Variants in SLC25A33 observed in about 807,000 individuals in gnomAD.
The protein encoded by SLC25A33 is bone marrow stromal cell mitochondrial carrier protein.
A neutral mutation model predicts 35.5 loss-of-function variants in SLC25A33; 15 were observed. That is an observed-to-expected ratio of 0.42 (90% confidence interval 0.28 to 0.65). The LOEUF (loss-of-function observed/expected upper bound fraction) is 0.65, where lower values mean the gene tolerates loss of function less well. Among genes scored for constraint, SLC25A33 ranks in the 30% least tolerant of loss-of-function variants. SLC25A33 has a pLI of 0.20. For synonymous variants in SLC25A33, 136 were observed against 148.7 expected (o/e 0.91, Z 0.62); for missense variants, 257 against 398.5 (o/e 0.64, Z 3.02).
intron 5 of SLC25A33, chr1:9,577,061 C>A: frequency 1.6e-6 from 1 of 640,440 alleles, no homozygotes; most frequent in Non-Finnish European, 2.7e-6. Flanking sequence ...TTAAATGATG[C>A]CATAAAAGAC....
At position 9,580,033 on chromosome 1, in the gene SLC25A33, A is replaced by G; in HGVS notation, c.562A>G (p.Arg188Gly). Residue 188 changes from arginine to glycine, a missense_variant, in exon 6 of 7, where the codon AGA (arginine) becomes GGA (glycine). By Grantham distance (125) the Arg-to-Gly change is moderately radical (BLOSUM62 -2). Transcript: ENST00000302692. ...YQTEGIRGFY[R>G]GLTASYAGIS... The stretch of plus-strand genomic sequence containing the variant: ...GACCGAAGGCATTCGTGGCTTCTAT[A>G]GAGGATTAACTGCCTCGTATGCTGG... 1.9e-6 allele frequency: 3 copies of G among 1,613,116 alleles called. No homozygotes were observed. Among genetic ancestry groups the G allele is most frequent in the Non-Finnish European group, 2.5e-6 (3 of 1,179,532 alleles).
intron 1 of SLC25A33, among the ~76,000 whole-genome samples, chr1:9,541,587 G>T (rs1643082531): frequency 6.6e-6 from 1 of 152,070 alleles, no homozygotes; most frequent in Non-Finnish European, 1.5e-5. Context: ...CACCATGCCC[G>T]GCAGAGACTT....
chr1:9,569,787 C>T (rs564940381), intron 3 of SLC25A33, among the ~76,000 whole-genome samples: 1 of 152,082 alleles, frequency 6.6e-6, no homozygotes, highest in African/African-American at 2.4e-5. Flanking sequence ...CGGAAGGGCC[C>T]TTTATGAAAA....
intron 2 of SLC25A33, among the ~76,000 whole-genome samples, chr1:9,556,689 G>A (rs1643348009): frequency 6.6e-6 from 1 of 151,828 alleles, no homozygotes; most frequent in Non-Finnish European, 1.5e-5. Flanking sequence ...GTCTGTGTGT[G>A]TGTGTGTGTG....
At chr1:9,564,611 G>T (rs955565955) in intron 2 of SLC25A33, among the ~76,000 whole-genome samples, 1 of 151,710 alleles carries the variant, frequency 6.6e-6, no homozygotes, top group South Asian at 2.1e-4. Flanking sequence ...TTCTGGGTGG[G>T]CACAGTGGCT....
chr1:9,557,533 T>C (rs1643361299), intron 2 of SLC25A33, among the ~76,000 whole-genome samples: 1 of 151,634 alleles, frequency 6.6e-6, no homozygotes, highest in African/African-American at 2.4e-5. Context: ...ATCCCATCTC[T>C]ACAAAAAATA....
At chr1:9,580,585 C>T (rs1271582596) in intron 6 of SLC25A33, among the ~76,000 whole-genome samples, 5 of 152,240 alleles carry the variant, frequency 3.3e-5, no homozygotes, top group Admixed American at 1.3e-4. Flanking sequence ...CGGCGGGGCA[C>T]GGTGGCTCAC....
At position 9,553,919 on chromosome 1, in the gene SLC25A33, T is replaced by C. The variant is rs1383272528; in HGVS notation, c.236+114T>C. The C allele has an allele frequency of 1.3e-5, 16 of 1,188,990 alleles. No homozygotes were observed. In the Admixed American group the frequency reaches 1.8e-4, roughly 14 times the overall value. The allele number at this position is 1,188,990 out of a possible 1,614,324, so 73.7% of individuals were successfully genotyped here. ...TGTTCTGTTTGCATAGCCTTGGTCCTAACTTAAGAATTAGATTTCTTTACC... is the reference window on the plus strand; with the variant it reads ...TGTTCTGTTTGCATAGCCTTGGTCCCAACTTAAGAATTAGATTTCTTTACC... On this transcript the variant is annotated intron_variant, in intron 2 of 6. Coordinates refer to ENST00000302692, the MANE Select transcript of SLC25A33 (RefSeq NM_032315.3).
Position 9,546,174 on chromosome 1 carries a change from ATTTTTTTTTTT to A in SLC25A33, c.56+6445_56+6455del, listed in dbSNP as rs746460317. ...TGTGAAGGGAATATCACACAGAGAA[ATTTTTTTTTTT>A]TTTTTTTTTTTTTTTTTGAAACGGA... On this transcript the variant is annotated intron_variant, in intron 1 of 6. Coordinates refer to ENST00000302692, the MANE Select transcript of SLC25A33 (RefSeq NM_032315.3). Among the ~76,000 whole-genome samples the A allele has an allele frequency of 1.6e-4, 16 of 100,520 alleles. 1 individual carries two copies. Among genetic ancestry groups the A allele is most frequent in the East Asian group, 6.6e-4 (2 of 3,020 alleles). The allele number at this position is 100,520 out of a possible 152,430, so 65.9% of individuals were successfully genotyped here.
At chr1:9,540,946 TC>T (rs1256414284) in intron 1 of SLC25A33, among the ~76,000 whole-genome samples, 2 of 152,144 alleles carry the variant, frequency 1.3e-5, no homozygotes, top group Non-Finnish European at 2.9e-5. Flanking sequence ...TGTCATTCAT[TC>T]CCTTGCAACC....
At chr1:9,564,198 T>C (rs1481728474) in intron 2 of SLC25A33, among the ~76,000 whole-genome samples, 1 of 152,208 alleles carries the variant, frequency 6.6e-6, no homozygotes, top group Admixed American at 6.5e-5. Context: ...CTCTAAAGAA[T>C]GTTCCATACA....
At chr1:9,552,351 AATTACAGGC>A (rs1643278000) in intron 1 of SLC25A33, among the ~76,000 whole-genome samples, 1 of 151,866 alleles carries the variant, frequency 6.6e-6, no homozygotes, top group Non-Finnish European at 1.5e-5. Flanking sequence ...CAGTAGCTGG[AATTACAGGC>A]ATTACAGGCA....
intron 1 of SLC25A33, among the ~76,000 whole-genome samples, chr1:9,541,147 AT>A (rs1000876306): frequency 6.6e-5 from 9 of 135,718 alleles, no homozygotes; most frequent in African/African-American, 8.3e-5. Context: ...AGCCTGGCTA[AT>A]TTTTTTTTTC....
chr1:9,573,655 C>G (rs1274590536), intron 5 of SLC25A33, among the ~76,000 whole-genome samples: 1 of 152,162 alleles, frequency 6.6e-6, no homozygotes. Flanking sequence ...GTCCCCTGAT[C>G]CGCAGTCCCA....
At chr1:9,550,598 A>G (rs1171882452) in intron 1 of SLC25A33, among the ~76,000 whole-genome samples, 1 of 152,130 alleles carries the variant, frequency 6.6e-6, no homozygotes, top group African/African-American at 2.4e-5. Context: ...TTATTATGAC[A>G]GGTAGGAGTA....
rs80047607 is a variant in SLC25A33, at chr1:9,547,040, G to A, written c.57-6586G>A. Among the ~76,000 whole-genome samples the A allele has an allele frequency of 7.9e-3, 1,198 of 152,290 alleles. 20 individuals are homozygous for A. Among genetic ancestry groups the A allele is most frequent in the African/African-American group, 0.027 (1,138 of 41,556 alleles). On this transcript the variant is annotated intron_variant, in intron 1 of 6. Coordinates refer to ENST00000302692, the MANE Select transcript of SLC25A33 (RefSeq NM_032315.3). ...CAGGGAAATTATGCTGAGTACTTGG[G>A]CTGAAATCATATGTCCATCCCTAAA...
At chr1:9,554,425 T>C (rs1643312186) in intron 2 of SLC25A33, among the ~76,000 whole-genome samples, 1 of 152,214 alleles carries the variant, frequency 6.6e-6, no homozygotes, top group East Asian at 1.9e-4. Flanking sequence ...AATGGCACAA[T>C]CTCAGCTCAC....
intron 2 of SLC25A33, among the ~76,000 whole-genome samples, chr1:9,563,379 G>A (rs1643454319): frequency 6.6e-6 from 1 of 152,172 alleles, no homozygotes; most frequent in Admixed American, 6.6e-5. Flanking sequence ...TAGGAGAAGA[G>A]AAGCTAAGAT....
At chr1:9,562,648 A>C (rs1643439871) in intron 2 of SLC25A33, among the ~76,000 whole-genome samples, 1 of 152,036 alleles carries the variant, frequency 6.6e-6, no homozygotes, top group African/African-American at 2.4e-5. Context: ...TGAGGTAGGG[A>C]GTTCGAAACC....
Sources: allele counts gnomAD v4.1 joint callset (sites outside exome capture counted in the v4.1 genomes callset), GRCh38; gene constraint gnomAD v4.1.1; transcripts MANE v1.5; gene names NCBI Gene and HGNC (gene_info 2026-07-23, HGNC 2026-07-21).